The following SMAP1 variants were observed in gnomAD, a reference collection of about 807,000 sequenced individuals.
SMAP1 encodes small ArfGAP 1.
Under a neutral mutation model 58.5 loss-of-function variants are expected in SMAP1, and 24 were observed. That is an observed-to-expected ratio of 0.41 (90% CI 0.30 to 0.58). The LOEUF is 0.58. Ranked by LOEUF, SMAP1 falls within the 20% of genes least tolerant of loss-of-function variation. SMAP1 has a pLI of 0.29. For synonymous variants in SMAP1, 216 were observed against 196.6 expected (o/e 1.10, Z -0.82); for missense variants, 563 against 566.3 (o/e 0.99, Z 0.06).
intron 1 of SMAP1, among the ~76,000 whole-genome samples, chr6:70,690,815 T>C (rs2149817451): frequency 6.6e-6 from 1 of 152,078 alleles, no homozygotes; most frequent in East Asian, 1.9e-4. Flanking sequence ...AGAATAATTT[T>C]AGGCTCACCA....
At chr6:70,768,586 C>T (rs1024649707) in intron 3 of SMAP1, among the ~76,000 whole-genome samples, 13 of 152,208 alleles carry the variant, frequency 8.5e-5, no homozygotes, top group African/African-American at 1.4e-4. Flanking sequence ...TCTGTGGGAT[C>T]GGTGGTGATA....
At chr6:70,800,888 G>C (rs1056615429) in intron 6 of SMAP1, among the ~76,000 whole-genome samples, 7 of 152,142 alleles carry the variant, frequency 4.6e-5, no homozygotes, top group Non-Finnish European at 7.3e-5. Context: ...TGGTGTATAT[G>C]TGCCACATTT....
intron 3 of SMAP1, among the ~76,000 whole-genome samples, chr6:70,770,711 G>A (rs1051270770): frequency 2.6e-5 from 4 of 152,180 alleles, no homozygotes; most frequent in African/African-American, 4.8e-5. Flanking sequence ...CTTGTTGCTC[G>A]GAGTAGTTTG....
At chr6:70,839,917 A>ATT (rs1237559122) in intron 7 of SMAP1, among the ~76,000 whole-genome samples, 3 of 152,206 alleles carry the variant, frequency 2.0e-5, no homozygotes, top group African/African-American at 7.2e-5. Flanking sequence ...AGCTCAAAAC[A>ATT]AACAGTGGTT....
intron 1 of SMAP1, among the ~76,000 whole-genome samples, chr6:70,691,984 G>A (rs1767188496): frequency 6.6e-6 from 1 of 152,096 alleles, no homozygotes. Context: ...GCTAGCAGTG[G>A]GATTGCTGGA....
intron 1 of SMAP1, among the ~76,000 whole-genome samples, chr6:70,696,656 C>T (rs1258657261): frequency 3.3e-5 from 5 of 152,102 alleles, no homozygotes; most frequent in African/African-American, 1.2e-4. Context: ...TGTTTTGTGG[C>T]CCAGCATATA....
rs114473295 is a variant in SMAP1, at chr6:70,825,160, C to G, written c.577-11781C>G. On this transcript the variant is annotated intron_variant, in intron 6 of 10. Coordinates refer to ENST00000370455, the MANE Select transcript of SMAP1 (RefSeq NM_001044305.3). ...TATATCCTGTGCTTAAGCTTATGTC[C>G]CATCGGATTTACAAAATAGATATTC... 1.5e-3 allele frequency among the ~76,000 whole-genome samples: 228 copies of G among 152,228 alleles called. 4 individuals carry two copies. Among genetic ancestry groups the G allele is most frequent in the African/African-American group, 5.4e-3 (224 of 41,536 alleles).
At chr6:70,779,972 T>A (rs1168760242) in intron 4 of SMAP1, among the ~76,000 whole-genome samples, 1 of 152,178 alleles carries the variant, frequency 6.6e-6, no homozygotes, top group African/African-American at 2.4e-5. Context: ...ACAATTAAGC[T>A]GCATCTGGTG....
In SMAP1 at chr6:70,709,370, G is replaced by A. The variant is rs564908051; in HGVS notation, c.119-23008G>A. Among the ~76,000 whole-genome samples the A allele has an allele frequency of 7.9e-5, 12 of 151,854 alleles. No individual in the cohort carries two copies. In the South Asian group the frequency reaches 1.0e-3, roughly 13 times the overall value. On this transcript the variant is annotated intron_variant, in intron 1 of 10. Transcript: ENST00000370455. ...TTTTTTTCTTTTGAGACAGGCTCTC[G>A]CTCTGTTGCCCATGCTAGAATACAG...
chr6:70,804,125 G>A (rs1769003637), intron 6 of SMAP1, among the ~76,000 whole-genome samples: 1 of 152,120 alleles, frequency 6.6e-6, no homozygotes, highest in Admixed American at 6.5e-5. Context: ...GAGAGCCTAA[G>A]TCTCTTTGTA....
chr6:70,832,919 A>G (rs1279193058), intron 6 of SMAP1, among the ~76,000 whole-genome samples: 2 of 152,168 alleles, frequency 1.3e-5, no homozygotes, highest in Non-Finnish European at 2.9e-5. Flanking sequence ...CAACAATAGC[A>G]TCTCCTGAGT....
At chr6:70,755,687 T>C (rs1003162289) in intron 3 of SMAP1, among the ~76,000 whole-genome samples, 2 of 152,038 alleles carry the variant, frequency 1.3e-5, no homozygotes, top group African/African-American at 2.4e-5. Context: ...TAAAATGTTA[T>C]GACTGATTCT....
At chr6:70,760,163 A>G (rs1766689893) in intron 3 of SMAP1, among the ~76,000 whole-genome samples, 1 of 151,832 alleles carries the variant, frequency 6.6e-6, no homozygotes, top group African/African-American at 2.4e-5. Context: ...ATAATTTGGC[A>G]CTCTTGGCAG....
rs1427929236 is a variant in SMAP1 at position 70,860,271 on chromosome 6, C to CACA, written c.1345_1347dup (p.Thr449dup). ...CTGCAGGTTTTGGCCAGCCCTCCAG[C>CACA]ACAACAGCAGGATGGTCTGGAAGCT... is the stretch of plus-strand genomic sequence containing the variant. On this transcript the variant is annotated inframe_insertion, in exon 11 of 11. Transcript: ENST00000370455. 1.2e-6 allele frequency: 2 copies of CACA among 1,613,664 alleles called. No homozygotes were observed. The highest frequency in any genetic ancestry group is 1.3e-5 in the African/African-American group (1 of 74,912).
chr6:70,807,636 A>T (rs1206117618), intron 6 of SMAP1, among the ~76,000 whole-genome samples: 3 of 152,198 alleles, frequency 2.0e-5, no homozygotes, highest in Admixed American at 6.5e-5. Context: ...GGAAGTTTCT[A>T]AGTTTTATAG....
intron 6 of SMAP1, among the ~76,000 whole-genome samples, chr6:70,807,260 A>G (rs897399115): frequency 2.0e-5 from 3 of 152,220 alleles, no homozygotes; most frequent in Non-Finnish European, 4.4e-5. Context: ...GTAGTGTTCC[A>G]GAAACTATTA....
In SMAP1 at chr6:70,768,001, G is replaced by A. The variant is rs9455222; in HGVS notation, c.339-5349G>A. Among the ~76,000 whole-genome samples, 997 of 150,828 alleles carry A rather than the reference G, an allele frequency of 6.6e-3. 8 individuals are homozygous for A. The highest frequency in any genetic ancestry group is 0.023 in the African/African-American group (954 of 40,956). ...GTCAAAGGCCTTTTCTGCATCTATTGAGATAATCATGTGGTTTTTGTCTTT... is the reference window on the plus strand; with the variant it reads ...GTCAAAGGCCTTTTCTGCATCTATTAAGATAATCATGTGGTTTTTGTCTTT... On this transcript the variant is annotated intron_variant, in intron 3 of 10. Coordinates refer to ENST00000370455, the MANE Select transcript of SMAP1 (RefSeq NM_001044305.3).
At chr6:70,765,980 GTGAGAATA>G (rs1766961604) in intron 3 of SMAP1, among the ~76,000 whole-genome samples, 1 of 145,330 alleles carries the variant, frequency 6.9e-6, no homozygotes, top group Non-Finnish European at 1.5e-5. Context: ...CCACCTATGA[GTGAGAATA>G]TGCAGTGTTT....
chr6:70,717,764 A>C (rs1324528390), intron 1 of SMAP1, among the ~76,000 whole-genome samples: 1 of 152,218 alleles, frequency 6.6e-6, no homozygotes. Flanking sequence ...ATGCCATTCA[A>C]ATAGAACCAG....
Sources: allele counts gnomAD v4.1 joint callset (sites outside exome capture counted in the v4.1 genomes callset), GRCh38; gene constraint gnomAD v4.1.1; transcripts MANE v1.5; gene names NCBI Gene and HGNC (gene_info 2026-07-23, HGNC 2026-07-21).